Variants in ASTN1 observed in about 807,000 individuals in gnomAD.
ASTN1 encodes the protein astrotactin-1.
A neutral mutation model predicts 140.7 loss-of-function variants in ASTN1; 41 were observed. The ratio of observed to expected loss-of-function variants is 0.29; its 90% CI spans 0.23 to 0.38. ASTN1 has a LOEUF of 0.38. Among genes scored for constraint, ASTN1 ranks in the 10% least tolerant of loss-of-function variants. ASTN1 has a pLI of 1.00. For synonymous variants in ASTN1, 640 were observed against 652.2 expected (o/e 0.98, Z 0.29); for missense variants, 1,479 against 1,678.8 (o/e 0.88, Z 2.08).
intron 1 of ASTN1, among the ~76,000 whole-genome samples, chr1:177,073,247 G>A (rs954100822): frequency 2.6e-5 from 4 of 152,088 alleles, no homozygotes; most frequent in Admixed American, 6.5e-5. Context: ...GTCAGTCTTA[G>A]CTACTTGGCA....
intron 1 of ASTN1, among the ~76,000 whole-genome samples, chr1:177,064,597 G>A (rs1678259777): frequency 6.6e-6 from 1 of 152,152 alleles, no homozygotes. Flanking sequence ...CGGCTTCCAG[G>A]CCAACCCTCA....
chr1:176,931,292 C>A (rs752719253), intron 16 of ASTN1, among the ~76,000 whole-genome samples: 1 of 152,070 alleles, frequency 6.6e-6, no homozygotes, highest in Non-Finnish European at 1.5e-5. Flanking sequence ...CACGGAGAAA[C>A]CCCGTCTCTA....
Position 177,107,847 on chromosome 1 carries a change from C to T in ASTN1, c.284-46582G>A, listed in dbSNP as rs192771389. On this transcript the variant is annotated intron_variant, in intron 1 of 22. Transcript: ENST00000361833. ...CATCTGTTTTCTTCTGGGACCCTGA[C>T]GGATGAATGTAGATGAAACTGTTCA... Among the ~76,000 whole-genome samples, 93 of 151,934 alleles carry T rather than the reference C, an allele frequency of 6.1e-4. 1 individual carries two copies. The East Asian group carries it at 0.014, about 22-fold the overall frequency.
In ASTN1 at chr1:176,864,391, G is replaced by T; in HGVS notation, c.3778C>A (p.Pro1260Thr). Residue 1260 changes from proline (P) to threonine (T), a missense_variant, in exon 23 of 23, where the codon CCC becomes ACC. This residue lies in a region of ASTN1 where 746 missense variants were observed against 800.9 expected (regional missense o/e 0.93). Coordinates refer to ENST00000361833, the MANE Select transcript of ASTN1 (RefSeq NM_004319.3). ...YLGCRYSEIKPYGLDWAELSR... is the reference protein window; with the variant it reads ...YLGCRYSEIKTYGLDWAELSR... Reference sequence around the variant, plus strand: ...AGCTCCGCCCAGTCAAGTCCGTAGGGTTTGATCTCGCTGTAGCGGCACCCC... The same window carrying T: ...AGCTCCGCCCAGTCAAGTCCGTAGGTTTTGATCTCGCTGTAGCGGCACCCC... 6.2e-7 allele frequency: 1 copy of T among 1,614,104 alleles called. No individual in the cohort carries two copies.
At chr1:176,859,527 G>A (rs576636855), downstream of ASTN1, among the ~76,000 whole-genome samples, 4 of 152,306 alleles carry the variant, frequency 2.6e-5, no homozygotes, top group Non-Finnish European at 4.4e-5. Flanking sequence ...GTTCACACCT[G>A]TAATCCCAGC....
At chr1:176,925,655 C>T (rs186649565) in intron 16 of ASTN1, among the ~76,000 whole-genome samples, 219 of 152,194 alleles carry the variant, frequency 1.4e-3, no homozygotes, top group Non-Finnish European at 2.5e-3. Context: ...ATTTCTGGTC[C>T]GTGGTGGGTT....
At chr1:177,060,361 C>T (rs932985870) in intron 2 of ASTN1, among the ~76,000 whole-genome samples, 1 of 152,284 alleles carries the variant, frequency 6.6e-6, no homozygotes, top group East Asian at 1.9e-4. Flanking sequence ...TACTGGCTTC[C>T]TCCTGGCTGG....
chr1:177,137,200 G>A (rs1265837886), intron 1 of ASTN1, among the ~76,000 whole-genome samples: 1 of 152,172 alleles, frequency 6.6e-6, no homozygotes, highest in Non-Finnish European at 1.5e-5. Flanking sequence ...AATAAACAGA[G>A]AGGTATTAAT....
Position 177,164,664 on chromosome 1 carries a change from C to T in ASTN1, c.13G>A (p.Gly5Arg). The T allele has an allele frequency of 6.3e-7, 1 of 1,579,598 alleles. No homozygotes were observed. The highest frequency in any genetic ancestry group is 8.6e-7 in the Non-Finnish European group (1 of 1,163,594). ...CAGCAGGCGAGCAGGGCGCAGAGCC[C>T]GGCTAAAGCCATCTTGAGCCCCGGC... MALA[G>R]LCALLACCWG... is the part of the protein sequence containing the mutation. The change falls in exon 1 of 23, where the codon GGG becomes AGG. Residue 5 changes from glycine (G) to arginine (R), a missense_variant. Transcript: ENST00000361833.
intron 1 of ASTN1, among the ~76,000 whole-genome samples, chr1:177,149,413 T>C (rs1682903881): frequency 1.3e-5 from 1 of 79,562 alleles, no homozygotes; most frequent in Non-Finnish European, 2.0e-5. Flanking sequence ...AGTAAATATA[T>C]ATATAGTATA....
chr1:176,958,541 G>T, intron 9 of ASTN1, 59 bp from the exon 10 acceptor site: 1 of 1,517,392 alleles, frequency 6.6e-7, no homozygotes. Flanking sequence ...TCACCACTGG[G>T]GGATCTAGCA....
chr1:177,027,585 A>G (rs1192226351), intron 5 of ASTN1, among the ~76,000 whole-genome samples: 3 of 150,710 alleles, frequency 2.0e-5, no homozygotes, highest in Non-Finnish European at 2.9e-5. Flanking sequence ...CAGCTGCCAT[A>G]TTGAACGACT....
At chr1:176,956,975 G>A (rs1463582057) in intron 11 of ASTN1, among the ~76,000 whole-genome samples, 1 of 152,124 alleles carries the variant, frequency 6.6e-6, no homozygotes, top group African/African-American at 2.4e-5. Context: ...ATAGCTCATT[G>A]CAGCCTTGAA....
At chr1:177,037,058 A>C (rs543129392) in intron 2 of ASTN1, among the ~76,000 whole-genome samples, 1 of 152,114 alleles carries the variant, frequency 6.6e-6, no homozygotes, top group Non-Finnish European at 1.5e-5. Flanking sequence ...GGCTTCAAAT[A>C]ATCCACTTGC....
At chr1:176,907,187 A>G (rs1251174264) in intron 16 of ASTN1, among the ~76,000 whole-genome samples, 5 of 152,186 alleles carry the variant, frequency 3.3e-5, no homozygotes, top group East Asian at 1.9e-4. Flanking sequence ...TCTGCATTTT[A>G]TCAGGCACTC....
chr1:176,954,593 A>G (rs909961015), intron 11 of ASTN1, among the ~76,000 whole-genome samples: 18 of 152,228 alleles, frequency 1.2e-4, no homozygotes, highest in African/African-American at 4.1e-4. Flanking sequence ...CACTAAGATT[A>G]TAAGTACTCT....
At chr1:176,868,273 C>T (rs756869555) in intron 22 of ASTN1, among the ~76,000 whole-genome samples, 2 of 152,196 alleles carry the variant, frequency 1.3e-5, no homozygotes, top group African/African-American at 4.8e-5. Context: ...TCTGTCTGTG[C>T]AACCTAAAAG....
intron 8 of ASTN1, among the ~76,000 whole-genome samples, chr1:176,984,288 C>A (rs913281785): frequency 6.6e-6 from 1 of 152,170 alleles, no homozygotes; most frequent in Non-Finnish European, 1.5e-5. Flanking sequence ...TGCCATTCTG[C>A]AGTACATGGC....
At chr1:176,996,771 G>T (rs1343147544) in intron 8 of ASTN1, among the ~76,000 whole-genome samples, 1 of 152,146 alleles carries the variant, frequency 6.6e-6, no homozygotes, top group East Asian at 1.9e-4. Flanking sequence ...TTCAAAGAGG[G>T]CATCCTGCCA....
Sources: gnomAD v4.1 joint callset for allele counts (sites outside exome capture counted in the v4.1 genomes callset) on GRCh38, gnomAD v4.1.1 for gene constraint, gnomAD v4.1.1 regional missense constraint, MANE v1.5 for transcripts, NCBI Gene and HGNC (gene_info 2026-07-23, HGNC 2026-07-21) for gene names.